The following CADPS2 variants were observed in gnomAD, a reference collection of about 807,000 sequenced individuals.
The protein encoded by CADPS2 is calcium dependent secretion activator 2, also known as calcium-dependent secretion activator 2.
In CADPS2, 93 loss-of-function variants were observed where a neutral mutation model predicts 172.5. That is an observed-to-expected ratio of 0.54 (90% CI 0.46 to 0.64). The LOEUF is 0.64. CADPS2 is among the 30% of genes least tolerant of loss of function. CADPS2 has a pLI of 0.00. For synonymous variants in CADPS2, 546 were observed against 555.2 expected (o/e 0.98, Z 0.23); for missense variants, 1,420 against 1,565.9 (o/e 0.91, Z 1.57).
chr7:122,545,879 T>C (rs2063567550), intron 8 of CADPS2, among the ~76,000 whole-genome samples: 1 of 152,212 alleles, frequency 6.6e-6, no homozygotes, highest in African/African-American at 2.4e-5. Flanking sequence ...TATATCCTTC[T>C]AATCCACTGT....
intron 6 of CADPS2, among the ~76,000 whole-genome samples, chr7:122,599,189 G>A (rs957886624): frequency 1.3e-5 from 2 of 152,010 alleles, no homozygotes; most frequent in African/African-American, 4.8e-5. Flanking sequence ...CAGATGCAGG[G>A]GATAGCTCAA....
chr7:122,397,864 A>G (rs2045368758), intron 20 of CADPS2, among the ~76,000 whole-genome samples: 2 of 152,200 alleles, frequency 1.3e-5, no homozygotes, highest in Admixed American at 6.5e-5. Context: ...AGTATGAGAG[A>G]GTGAAAAGGG....
Position 122,886,180 on chromosome 7 carries a change from G to GCGC in CADPS2, c.155_157dup (p.Gly52dup), listed in dbSNP as rs561581957. 18 of 1,477,842 alleles carry GCGC rather than the reference G, an allele frequency of 1.2e-5. 1 individual carries two copies. In the East Asian group the frequency reaches 1.4e-4, roughly 11 times the overall value. The allele number at this position is 1,477,842 out of a possible 1,614,324, so 91.5% of individuals were successfully genotyped here. A position where few individuals can be genotyped will look rare whatever the true frequency, so the allele number is the denominator to read the frequency against. On this transcript the variant is annotated inframe_insertion, in exon 1 of 30. Coordinates refer to ENST00000449022, the MANE Select transcript of CADPS2 (RefSeq NM_017954.11). Reference sequence around the variant, plus strand: ...GGGGCTCGGGCTCACAGATCTGGCCGCGCCGCCGCCGCCCGCGCGCCCCGG... The same window carrying GCGC: ...GGGGCTCGGGCTCACAGATCTGGCCGCGCCGCCGCCGCCGCCCGCGCGCCCCGG...
chr7:122,674,245 T>C (rs1417094989), intron 2 of CADPS2, among the ~76,000 whole-genome samples: 1 of 152,106 alleles, frequency 6.6e-6, no homozygotes, highest in Non-Finnish European at 1.5e-5. Flanking sequence ...GGGAGCCAGC[T>C]CCGGCCTCAG....
chr7:122,614,672 T>C (rs2074690251), intron 6 of CADPS2, among the ~76,000 whole-genome samples: 1 of 152,112 alleles, frequency 6.6e-6, no homozygotes, highest in South Asian at 2.1e-4. Context: ...ATCAAACTGT[T>C]GGCAAAAAGC....
At chr7:122,653,172 A>G (rs989383709) in intron 3 of CADPS2, among the ~76,000 whole-genome samples, 11 of 152,180 alleles carry the variant, frequency 7.2e-5, no homozygotes, top group Non-Finnish European at 1.0e-4. Flanking sequence ...ACATTTCACC[A>G]GAACAGCCCT....
At chr7:122,812,410 GAA>G (rs61331991) in intron 1 of CADPS2, among the ~76,000 whole-genome samples, 5 of 132,444 alleles carry the variant, frequency 3.8e-5, no homozygotes, top group Middle Eastern at 3.8e-3. Context: ...CACTTGTTTG[GAA>G]AAAAAAAAAA....
chr7:122,630,765 T>C (rs1004419518), intron 3 of CADPS2, among the ~76,000 whole-genome samples: 3 of 152,156 alleles, frequency 2.0e-5, no homozygotes, highest in African/African-American at 7.2e-5. Context: ...TAATTTTCTC[T>C]TGGGAGAAAA....
intron 28 of CADPS2, among the ~76,000 whole-genome samples, chr7:122,341,658 G>A (rs990437425): frequency 6.6e-6 from 1 of 152,138 alleles, no homozygotes; most frequent in East Asian, 1.9e-4. Flanking sequence ...TGAGAAATAC[G>A]ATTTCAAAGT....
chr7:122,501,191 G>A (rs1187344601), intron 9 of CADPS2, among the ~76,000 whole-genome samples: 1 of 152,046 alleles, frequency 6.6e-6, no homozygotes, highest in Non-Finnish European at 1.5e-5. Context: ...GGGATTCAAG[G>A]TGGCAGTGAG....
intron 8 of CADPS2, among the ~76,000 whole-genome samples, chr7:122,530,032 C>T (rs1177211434): frequency 6.6e-6 from 1 of 152,010 alleles, no homozygotes; most frequent in African/African-American, 2.4e-5. Flanking sequence ...TGCTATTTGA[C>T]TCACTTAATA....
chr7:122,556,263 A>AAT lies in CADPS2; in HGVS notation c.1336-1576_1336-1575dup, dbSNP rs1442812193. On this transcript the variant is annotated intron_variant, in intron 7 of 29. Coordinates refer to ENST00000449022, the MANE Select transcript of CADPS2 (RefSeq NM_017954.11). ...TTTGGCTCAAACCAGTAGACAAAGG[A>AAT]ATATCATTATCAACTTAGAAGATTA... Among the ~76,000 whole-genome samples the AAT allele has an allele frequency of 5.3e-5, 8 of 152,256 alleles. No homozygotes were observed. The East Asian group carries it at 1.4e-3, about 26-fold the overall frequency.
chr7:122,719,581 T>C (rs1269087986), intron 2 of CADPS2, among the ~76,000 whole-genome samples: 1 of 152,166 alleles, frequency 6.6e-6, no homozygotes, highest in Non-Finnish European at 1.5e-5. Context: ...AATACTTTTA[T>C]TCTTGAAGGT....
intron 2 of CADPS2, among the ~76,000 whole-genome samples, chr7:122,690,048 A>AC (rs2084136582): frequency 6.6e-6 from 1 of 152,182 alleles, no homozygotes; most frequent in African/African-American, 2.4e-5. Context: ...AGCCATCCGC[A>AC]GCTGCTGCTG....
chr7:122,797,514 C>T (rs1796636486), intron 1 of CADPS2, among the ~76,000 whole-genome samples: 1 of 152,000 alleles, frequency 6.6e-6, no homozygotes, highest in Non-Finnish European at 1.5e-5. Flanking sequence ...ACAGTATGCA[C>T]CATAAAAAAG....
intron 24 of CADPS2, 66 bp from the exon 25 acceptor site, chr7:122,379,508 A>G (rs2151351621): frequency 2.1e-6 from 2 of 951,838 alleles, no homozygotes; most frequent in East Asian, 2.5e-5. Flanking sequence ...TCAGTCATAA[A>G]TGCTCTAAAT....
chr7:122,798,091 A>G (rs576403209), intron 1 of CADPS2, among the ~76,000 whole-genome samples: 17 of 152,142 alleles, frequency 1.1e-4, no homozygotes, highest in African/African-American at 3.6e-4. Flanking sequence ...CAGTTTTCCA[A>G]TGCAGTTGTT....
chr7:122,599,843 A>G (rs1464970380), intron 6 of CADPS2, among the ~76,000 whole-genome samples: 1 of 152,024 alleles, frequency 6.6e-6, no homozygotes, highest in Non-Finnish European at 1.5e-5. Context: ...TTTAACATTT[A>G]TATTTCACCT....
chr7:122,336,208 C>T (rs2035830037), intron 28 of CADPS2, among the ~76,000 whole-genome samples: 1 of 152,136 alleles, frequency 6.6e-6, no homozygotes, highest in South Asian at 2.1e-4. Flanking sequence ...TTGGATTTAG[C>T]CAACACTGGT....
Sources: allele counts gnomAD v4.1 joint callset (sites outside exome capture counted in the v4.1 genomes callset), GRCh38; gene constraint gnomAD v4.1.1; transcripts MANE v1.5; gene names NCBI Gene and HGNC (gene_info 2026-07-23, HGNC 2026-07-21).